Variants in MYLK observed in about 807,000 individuals in gnomAD.
MYLK encodes the protein myosin light chain kinase.
Under a neutral mutation model 203.4 loss-of-function variants are expected in MYLK, and 106 were observed. The observed-to-expected ratio is 0.52, with a 90% CI of 0.45 to 0.61. The LOEUF is 0.61. Ranked by LOEUF, MYLK falls within the 20% of genes least tolerant of loss-of-function variation. MYLK has a pLI of 0.00. For synonymous variants in MYLK, 867 were observed against 959.5 expected (o/e 0.90, Z 1.78); for missense variants, 2,072 against 2,442.3 (o/e 0.85, Z 3.20).
At chr3:123,639,822 C>T (rs146100928) in intron 28 of MYLK, among the ~76,000 whole-genome samples, 5 of 152,330 alleles carry the variant, frequency 3.3e-5, no homozygotes, top group African/African-American at 7.2e-5. Flanking sequence ...ATCTACCCTG[C>T]TCACCTCATG....
intron 24 of MYLK, among the ~76,000 whole-genome samples, chr3:123,655,523 C>G (rs920557995): frequency 1.3e-5 from 2 of 152,194 alleles, no homozygotes; most frequent in Non-Finnish European, 2.9e-5. Context: ...TACCTTCCCT[C>G]GGCTAGCCCT....
In MYLK at chr3:123,647,440, G is replaced by A. The variant is rs776575721; in HGVS notation, c.4416-13C>T. ...TCCAAATTTCCCACTGCAAATGAAA[G>A]GGGGAGGAGAGAAAAGCCACATTTA... On this transcript the variant is annotated splice_polypyrimidine_tract_variant and intron_variant, in intron 26 of 33. Transcript: ENST00000360304. 7 of 1,613,746 alleles carry A rather than the reference G, an allele frequency of 4.3e-6. No individual in the cohort carries two copies. The South Asian group carries it at 7.7e-5, about 18-fold the overall frequency.
chr3:123,675,358 C>A (rs2060039993), intron 20 of MYLK, among the ~76,000 whole-genome samples: 4 of 152,222 alleles, frequency 2.6e-5, no homozygotes, highest in Admixed American at 1.3e-4. Flanking sequence ...CTGACCCAAG[C>A]CCTAACCTAG....
chr3:123,803,439 A>T (rs2065263978), intron 3 of MYLK, among the ~76,000 whole-genome samples: 1 of 152,206 alleles, frequency 6.6e-6, no homozygotes, highest in Non-Finnish European at 1.5e-5. Flanking sequence ...AGTGACTCTC[A>T]TGCTTATTGT....
chr3:123,747,281 TCA>T (rs1187742564), intron 5 of MYLK, among the ~76,000 whole-genome samples: 6 of 152,190 alleles, frequency 3.9e-5, no homozygotes, highest in Non-Finnish European at 7.3e-5. Context: ...CCTTCTGCTG[TCA>T]CAGTCTAGGT....
chr3:123,663,240 G>A (rs757323892), intron 23 of MYLK, among the ~76,000 whole-genome samples: 82 of 152,194 alleles, frequency 5.4e-4, no homozygotes, highest in Non-Finnish European at 1.0e-3. Flanking sequence ...ACAGTGTTAA[G>A]GGAGGAGAGG....
chr3:123,635,815 A>G (rs540034065), intron 29 of MYLK, among the ~76,000 whole-genome samples: 11 of 152,196 alleles, frequency 7.2e-5, no homozygotes, highest in Non-Finnish European at 1.2e-4. Flanking sequence ...AATGCTTCCA[A>G]TGGCCAAACT....
At chr3:123,756,537 T>C (rs2063364681) in intron 4 of MYLK, among the ~76,000 whole-genome samples, 1 of 152,214 alleles carries the variant, frequency 6.6e-6, no homozygotes, top group South Asian at 2.1e-4. Flanking sequence ...TTTTGGTATC[T>C]AAGGTTCCTC....
intron 26 of MYLK, among the ~76,000 whole-genome samples, chr3:123,647,754 G>T (rs1049971611): frequency 6.0e-5 from 9 of 150,600 alleles, no homozygotes; most frequent in Admixed American, 1.3e-4. Context: ...GTCTCGCTAT[G>T]TTGCCCAGGC....
At chr3:123,657,877 C>T (rs970466899) in intron 23 of MYLK, among the ~76,000 whole-genome samples, 1 of 152,208 alleles carries the variant, frequency 6.6e-6, no homozygotes, top group African/African-American at 2.4e-5. Flanking sequence ...AGGGGTCTGC[C>T]TCCACTTTCT....
intron 4 of MYLK, among the ~76,000 whole-genome samples, chr3:123,776,633 T>C (rs565779993): frequency 1.4e-4 from 22 of 152,316 alleles, no homozygotes; most frequent in African/African-American, 3.4e-4. Flanking sequence ...AAAAATGCTA[T>C]GTTGGCTGAA....
chr3:123,620,558 A>G (rs2057801454), intron 31 of MYLK: 68 of 1,388,520 alleles, frequency 4.9e-5, no homozygotes, highest in Non-Finnish European at 6.1e-5. Flanking sequence ...TGGGGCCTGG[A>G]ACTGATGTGT....
chr3:123,651,476 G>T (rs1374139692), intron 24 of MYLK, among the ~76,000 whole-genome samples: 2 of 152,156 alleles, frequency 1.3e-5, no homozygotes, highest in Admixed American at 1.3e-4. Context: ...TGTCAGGGAG[G>T]CCCCTGTCTT....
intron 4 of MYLK, among the ~76,000 whole-genome samples, chr3:123,777,510 C>T (rs1291558087): frequency 6.6e-6 from 1 of 152,246 alleles, no homozygotes; most frequent in African/African-American, 2.4e-5. Flanking sequence ...CCACACTCTG[C>T]CACAGCTCGA....
At chr3:123,770,346 C>T (rs944127476) in intron 4 of MYLK, among the ~76,000 whole-genome samples, 2 of 152,018 alleles carry the variant, frequency 1.3e-5, no homozygotes, top group East Asian at 3.9e-4. Flanking sequence ...AAACAAAGGT[C>T]CGAATCAAGA....
chr3:123,759,694 C>T (rs1007741251), intron 4 of MYLK, among the ~76,000 whole-genome samples: 1 of 152,210 alleles, frequency 6.6e-6, no homozygotes, highest in Non-Finnish European at 1.5e-5. Context: ...TTCCCTGCAA[C>T]TTTATCTTTG....
At chr3:123,622,036 TAGAG>T (rs143913561) in intron 31 of MYLK, 8 of 152,132 alleles carry the variant, frequency 5.3e-5, no homozygotes, top group South Asian at 2.1e-4. Context: ...AGACAAAGTG[TAGAG>T]AGAGAGAGAC....
chr3:123,663,590 G>C (rs1361450293), intron 23 of MYLK, among the ~76,000 whole-genome samples: 3 of 152,160 alleles, frequency 2.0e-5, no homozygotes, highest in Non-Finnish European at 4.4e-5. Context: ...AGCCAGGAGA[G>C]AGGAAGAGGT....
Position 123,701,500 on chromosome 3 carries a change from A to T in MYLK, c.2400T>A (p.Val800=), listed in dbSNP as rs1359719166. Residue 800 remains valine (V), a synonymous_variant, in exon 17 of 34, where the codon GTT becomes GTA. Transcript: ENST00000360304. The stretch of plus-strand genomic sequence containing the variant: ...GTGACACCTGGCAACTGCATTCGCC[A>T]ACCCGGTTCCTGAAGAATTCCAAAG... The part of the protein sequence containing the change: ...GQYEILLKNR[V]GECSCQVSLM... The T allele has an allele frequency of 1.2e-6, 2 of 1,613,850 alleles. No homozygotes were observed. Among genetic ancestry groups the T allele is most frequent in the Non-Finnish European group, 1.7e-6 (2 of 1,180,012 alleles).
Sources: allele counts gnomAD v4.1 joint callset (sites outside exome capture counted in the v4.1 genomes callset), GRCh38; gene constraint gnomAD v4.1.1; transcripts MANE v1.5; gene names NCBI Gene and HGNC (gene_info 2026-07-23, HGNC 2026-07-21).